Variants in SLC7A5 observed in about 807,000 individuals in gnomAD.
SLC7A5 encodes large neutral amino acids transporter small subunit 1.
In SLC7A5, 23 loss-of-function variants were observed where a neutral mutation model predicts 50.2. That is an observed-to-expected ratio of 0.46 (90% CI 0.33 to 0.65). SLC7A5 has a LOEUF of 0.65. Ranked by LOEUF, SLC7A5 falls within the 30% of genes least tolerant of loss-of-function variation. SLC7A5 has a pLI of 0.02. For synonymous variants in SLC7A5, 393 were observed against 330.6 expected, an observed-to-expected ratio of 1.19 and a Z score of -2.05; for missense variants, 578 against 684.4, an observed-to-expected ratio of 0.84 and a Z score of 1.73.
intron 6 of SLC7A5, 145 bp from the exon 7 acceptor site, chr16:87,838,086 C>T (rs980097199): frequency 9.7e-6 from 7 of 718,956 alleles, no homozygotes; most frequent in Admixed American, 2.0e-5. Flanking sequence ...CCCCTCCAGC[C>T]GCTGGCTGTG....
At chr16:87,834,009 A>C (rs1444257456) in intron 9 of SLC7A5, among the ~76,000 whole-genome samples, 1 of 152,004 alleles carries the variant, frequency 6.6e-6, no homozygotes. Context: ...GTGTGCCACT[A>C]CACCCAGCTG....
intron 1 of SLC7A5, among the ~76,000 whole-genome samples, chr16:87,864,886 A>G (rs113674758): frequency 0.025 from 3,806 of 152,360 alleles, 68 homozygotes; most frequent in Middle Eastern, 0.051. Context: ...CTAGCTAGGT[A>G]AACTACGCTG....
Position 87,861,499 on chromosome 16 carries a change from G to C in SLC7A5, c.538+7386C>G, listed in dbSNP as rs1028997180. On this transcript the variant is annotated intron_variant, in intron 1 of 9. Transcript: ENST00000261622. This position sits in a 1 kb window ranked among gnomAD's most constrained non-coding sequence, Gnocchi z 4.2. ...GGCCCCTGGCTCCTGGCTCGCTCCTGCCTCAGTTTCCCCAGCTGTAAATTG... is the reference window on the plus strand; with the variant it reads ...GGCCCCTGGCTCCTGGCTCGCTCCTCCCTCAGTTTCCCCAGCTGTAAATTG... 6.6e-6 allele frequency among the ~76,000 whole-genome samples: 1 copy of C among 152,132 alleles called. No homozygotes were observed. Among genetic ancestry groups the C allele is most frequent in the Non-Finnish European group, 1.5e-5 (1 of 68,022 alleles).
intron 2 of SLC7A5, among the ~76,000 whole-genome samples, chr16:87,846,049 C>T (rs1366299986): frequency 1.3e-5 from 2 of 152,226 alleles, no homozygotes; most frequent in African/African-American, 4.8e-5. Context: ...CATCCTTTAT[C>T]AACTGCGAGG....
intron 5 of SLC7A5, among the ~76,000 whole-genome samples, chr16:87,839,153 C>T (rs926319327): frequency 1.3e-5 from 2 of 152,346 alleles, no homozygotes; most frequent in East Asian, 1.9e-4. Flanking sequence ...CTGCCGGCAG[C>T]GGGCTGGGAG....
chr16:87,866,676 A>C (rs1256315623), intron 1 of SLC7A5, among the ~76,000 whole-genome samples: 2 of 152,192 alleles, frequency 1.3e-5, no homozygotes, highest in African/African-American at 2.4e-5. Context: ...CATGTTGGCC[A>C]GGCTGGTCTC....
chr16:87,838,740 G>C lies in SLC7A5; in HGVS notation c.1017C>G (p.Val339=), dbSNP rs766994480. Residue 339 remains valine (V), a synonymous_variant, in exon 6 of 10, where the codon GTC becomes GTG. Coordinates refer to ENST00000261622, the MANE Select transcript of SLC7A5 (RefSeq NM_003486.7). ...VFVGLSCFGS[V]NGSLFTSSRL... is the part of the protein sequence containing the mutation. ...TGGAGGATGTGAACAGGGACCCATT[G>C]ACGGAGCCGAAGCAGGACAGGCCCA... is the stretch of plus-strand genomic sequence containing the variant. 1 of 1,613,872 alleles carries C rather than the reference G, an allele frequency of 6.2e-7. No homozygotes were observed. Among genetic ancestry groups the C allele is most frequent in the Non-Finnish European group, 8.5e-7 (1 of 1,179,986 alleles).
At chr16:87,835,558 C>T (rs573338648) in intron 8 of SLC7A5, among the ~76,000 whole-genome samples, 7 of 152,238 alleles carry the variant, frequency 4.6e-5, no homozygotes, top group Non-Finnish European at 1.0e-4. Context: ...GGCGCGACCT[C>T]GGCCTCCCAG....
At chr16:87,842,124 G>A (rs1193221457) in intron 2 of SLC7A5, among the ~76,000 whole-genome samples, 2 of 152,202 alleles carry the variant, frequency 1.3e-5, no homozygotes, top group East Asian at 1.9e-4. Context: ...AGACACCACC[G>A]GAACAAAGGA....
chr16:87,839,605 G>A (rs1460261564), intron 5 of SLC7A5, 97 bp downstream of exon 5: 52 of 1,578,266 alleles, frequency 3.3e-5, no homozygotes, highest in African/African-American at 5.4e-5. Context: ...TCTGCGTAGG[G>A]GAGGCTTAGA....
At chr16:87,859,224 G>A (rs1478896121) in intron 1 of SLC7A5, among the ~76,000 whole-genome samples, 2 of 152,214 alleles carry the variant, frequency 1.3e-5, no homozygotes, top group Non-Finnish European at 2.9e-5. Flanking sequence ...ACAGTGCCCG[G>A]GCCCTGCTCA....
chr16:87,845,536 AC>A (rs1429762075), intron 2 of SLC7A5, among the ~76,000 whole-genome samples: 1 of 143,126 alleles, frequency 7.0e-6, no homozygotes, highest in Non-Finnish European at 1.5e-5. Context: ...GTCCACGCCC[AC>A]CCCACGGAGT....
Position 87,841,558 on chromosome 16 carries a change from G to T in SLC7A5, c.665-403C>A, listed in dbSNP as rs537936635. ...AGACCTCGGTTTGCATCCTGGCTAC[G>T]GCAACAAGGAAGGCCCAGAGCCACT... is the stretch of plus-strand genomic sequence containing the variant. On this transcript the variant is annotated intron_variant, in intron 2 of 9. Coordinates refer to ENST00000261622, the MANE Select transcript of SLC7A5 (RefSeq NM_003486.7). The surrounding 1 kb of genome is among the most constrained non-coding windows in gnomAD (Gnocchi z 4.8). Among the ~76,000 whole-genome samples the T allele has an allele frequency of 6.6e-6, 1 of 152,218 alleles. No individual in the cohort carries two copies. Among genetic ancestry groups the T allele is most frequent in the Non-Finnish European group, 1.5e-5 (1 of 68,028 alleles).
intron 1 of SLC7A5, among the ~76,000 whole-genome samples, chr16:87,854,410 A>G (rs930959681): frequency 4.6e-5 from 7 of 152,230 alleles, no homozygotes; most frequent in African/African-American, 1.4e-4. Context: ...ATAAAATCTT[A>G]AACAAATACA....
Position 87,845,509 on chromosome 16 carries a change from T to C in SLC7A5, c.665-4354A>G, listed in dbSNP as rs137962968. Among the ~76,000 whole-genome samples the C allele has an allele frequency of 2.6e-4, 16 of 62,370 alleles. 1 individual carries two copies. The highest frequency in any genetic ancestry group is 1.1e-3 in the South Asian group (1 of 894). The allele number at this position is 62,370 out of a possible 152,430, so 40.9% of individuals were successfully genotyped here. A position where few individuals can be genotyped will look rare whatever the true frequency, so the allele number is the denominator to read the frequency against. The stretch of plus-strand genomic sequence containing the variant: ...GAGTCCACGCCCACCCCAGAGTCCA[T>C]GCCCACTCCAGGCAGAGTCCACGCC... On this transcript the variant is annotated intron_variant, in intron 2 of 9. Transcript: ENST00000261622.
At chr16:87,839,220 C>CTG (rs1190874410) in intron 5 of SLC7A5, among the ~76,000 whole-genome samples, 1 of 152,222 alleles carries the variant, frequency 6.6e-6, no homozygotes, top group Admixed American at 6.5e-5. Context: ...TCCCCCAGCC[C>CTG]TGGGAGGGCA....
chr16:87,847,421 T>G (rs1168897499), intron 2 of SLC7A5, among the ~76,000 whole-genome samples: 1 of 152,108 alleles, frequency 6.6e-6, no homozygotes, highest in African/African-American at 2.4e-5. Flanking sequence ...AGGCGGCACC[T>G]CTTCCTCCAG....
chr16:87,844,895 C>T (rs879848393), intron 2 of SLC7A5, among the ~76,000 whole-genome samples: 8 of 152,254 alleles, frequency 5.3e-5, no homozygotes, highest in African/African-American at 1.4e-4. Context: ...GCTGCAAATG[C>T]GGTCTCCGCA....
chr16:87,860,381 CACACACACACACACACACAT>C lies in SLC7A5; in HGVS notation c.538+8484_538+8503del, dbSNP rs1307008907. Among the ~76,000 whole-genome samples, 57 of 146,194 alleles carry C rather than the reference CACACACACACACACACACAT, an allele frequency of 3.9e-4. 3 individuals are homozygous for C. Among genetic ancestry groups the C allele is most frequent in the Middle Eastern group, 3.6e-3 (1 of 280 alleles). The stretch of plus-strand genomic sequence containing the variant: ...ACACACACACACACACACACACACA[CACACACACACACACACACAT>C]ATATATATAAAGAAAAAGGAAATCT... On this transcript the variant is annotated intron_variant, in intron 1 of 9. Transcript: ENST00000261622. This position sits in a 1 kb window ranked among gnomAD's most constrained non-coding sequence, Gnocchi z 4.8.
Sources: gnomAD v4.1 joint callset for allele counts (sites outside exome capture counted in the v4.1 genomes callset) on GRCh38, gnomAD v4.1.1 for gene constraint, Gnocchi (gnomAD v3.1) non-coding constraint, MANE v1.5 for transcripts, NCBI Gene and HGNC (gene_info 2026-07-23, HGNC 2026-07-21) for gene names.